ZNF563: variants seen among roughly 807,000 people sequenced by gnomAD.
ZNF563 encodes zinc finger protein 563.
ZNF563 carries 39 observed loss-of-function variants against 48.5 expected under a neutral mutation model. The ratio of observed to expected loss-of-function variants is 0.80; its 90% confidence interval spans 0.62 to 1.05. ZNF563 has a LOEUF of 1.05. Among genes scored for constraint, ZNF563 ranks in the 50% least tolerant of loss-of-function variants. The pLI is 0.00. For missense variants in ZNF563, 538 were observed against 597.0 expected (o/e 0.90, Z 1.03); for synonymous variants, 168 against 187.9 (o/e 0.89, Z 0.87).
At chr19:12,326,247 T>C (rs971256401) in intron 1 of ZNF563, among the ~76,000 whole-genome samples, 1 of 152,062 alleles carries the variant, frequency 6.6e-6, no homozygotes. Context: ...AAAAAATCAA[T>C]AAAAATTAGA....
Position 12,317,891 on chromosome 19 carries a change from T to C in ZNF563, c.*703A>G. 5.3e-6 allele frequency: 1 copy of C among 190,424 alleles called. No individual in the cohort carries two copies. Among genetic ancestry groups the C allele is most frequent in the Non-Finnish European group, 1.3e-5 (1 of 79,962 alleles). 11.8% of individuals were successfully genotyped at this position (190,424 alleles called of 1,614,324 possible). A position where few individuals can be genotyped will look rare whatever the true frequency, so the allele number is the denominator to read the frequency against. ...AATACTTCCCTACATTTCACACATT[T>C]ATAGAGTATCTCTCCAGTGAGTCCT... On this transcript the variant is annotated 3_prime_UTR_variant, in exon 4 of 4. Coordinates refer to ENST00000293725, the MANE Select transcript of ZNF563 (RefSeq NM_145276.3).
upstream of ZNF563, among the ~76,000 whole-genome samples, chr19:12,335,178 C>T (rs1969004892): frequency 6.6e-6 from 1 of 152,146 alleles, no homozygotes; most frequent in Non-Finnish European, 1.5e-5. Flanking sequence ...GAAGAAGCCT[C>T]AGAAGCAAAA....
At position 12,318,999 on chromosome 19, in the gene ZNF563, A is replaced by T; in HGVS notation, c.1026T>A (p.Cys342Ter). Reference protein sequence around the residue: ...TGDRPHKCKICGKGFDRPSLV... With the variant: ...TGDRPHKCKI ...AACTGGGACGATCAAAGCCTTTCCC[A>T]CATATCTTACATTTATGAGGTCGAT... is the stretch of plus-strand genomic sequence containing the variant. Residue 342 changes from cysteine (C) to a stop codon, truncating the protein, a stop_gained, in exon 4 of 4, where the codon TGT becomes TGA. Transcript: ENST00000293725. LOFTEE classifies it high-confidence loss of function. 1 of 1,614,160 alleles carries T rather than the reference A, an allele frequency of 6.2e-7. No individual in the cohort carries two copies. Among genetic ancestry groups the T allele is most frequent in the Non-Finnish European group, 8.5e-7 (1 of 1,180,022 alleles).
intron 1 of ZNF563, among the ~76,000 whole-genome samples, chr19:12,326,461 T>C (rs1189843111): frequency 1.3e-5 from 2 of 151,928 alleles, no homozygotes; most frequent in Non-Finnish European, 2.9e-5. Flanking sequence ...CTGGCCAACA[T>C]GGTGAAATCT....
chr19:12,346,867 T>C, the ZNF563 span: 6 of 152,232 alleles, frequency 3.9e-5, no homozygotes, highest in Admixed American at 2.6e-4. Context: ...TACTTCCACA[T>C]ATCTCTCTCT....
chr19:12,337,417 TG>T (rs1426359021), upstream of ZNF563, among the ~76,000 whole-genome samples: 1 of 152,164 alleles, frequency 6.6e-6, no homozygotes, highest in Non-Finnish European at 1.5e-5. Context: ...TTGGCCAGGC[TG>T]GTCTAAACTC....
chr19:12,333,819 G>A (rs934203425), upstream of ZNF563: 1 of 364,160 alleles, frequency 2.7e-6, no homozygotes, highest in Non-Finnish European at 5.0e-6. Context: ...GTGCTGAGTC[G>A]AGCGGGATGA....
At chr19:12,322,561 G>C (rs1382857077) in intron 2 of ZNF563, 24 bp downstream of exon 2, 1 of 1,571,628 alleles carries the variant, frequency 6.4e-7, no homozygotes, top group South Asian at 1.1e-5. Context: ...AATTGATTAA[G>C]TGAAGACATG....
chr19:12,340,612 G>GA, the ZNF563 span, among the ~76,000 whole-genome samples: 45 of 151,852 alleles, frequency 3.0e-4, no homozygotes, highest in African/African-American at 1.1e-3. Flanking sequence ...TGTCTCTACT[G>GA]AAAAAAATAC....
chr19:12,321,313 C>G lies in ZNF563; in HGVS notation c.150G>C (p.Gln50His). Residue 50 changes from glutamine (Q) to histidine (H), a missense_variant, in exon 3 of 4, where the codon CAG becomes CAC. By Grantham distance (24) the Gln-to-His change is conservative (BLOSUM62 0). Transcript: ENST00000293725. ...LDCIRMIWEE[Q>H]NTEDQYKNPR... is the part of the protein sequence containing the mutation. ...GATTTTTGTACTGATCTTCAGTATT[C>G]TGTTCTTCCCATATCATTCCTAAAA... 4 of 1,569,430 alleles carry G rather than the reference C, an allele frequency of 2.5e-6. No individual in the cohort carries two copies. Among genetic ancestry groups the G allele is most frequent in the Non-Finnish European group, 3.4e-6 (4 of 1,162,714 alleles).
chr19:12,336,506 C>T (rs1379952046), upstream of ZNF563, among the ~76,000 whole-genome samples: 3 of 152,268 alleles, frequency 2.0e-5, no homozygotes, highest in East Asian at 1.9e-4. Context: ...GCAGGAGAAT[C>T]GCGTGAACCC....
chr19:12,342,126 C>G, the ZNF563 span, among the ~76,000 whole-genome samples: 1 of 152,104 alleles, frequency 6.6e-6, no homozygotes, highest in Non-Finnish European at 1.5e-5. Context: ...ATCCTCCCAC[C>G]TCAGCCTCCT....
intron 1 of ZNF563, among the ~76,000 whole-genome samples, chr19:12,325,773 G>T (rs1968777419): frequency 1.3e-5 from 2 of 152,204 alleles, no homozygotes; most frequent in Admixed American, 6.5e-5. Context: ...AAGACTGGAA[G>T]AGGTCAGGTT....
intron 1 of ZNF563, among the ~76,000 whole-genome samples, chr19:12,328,581 T>A (rs973897178): frequency 1.3e-5 from 2 of 152,064 alleles, no homozygotes; most frequent in African/African-American, 4.8e-5. Flanking sequence ...AAGACCAGCC[T>A]GACCAACATG....
At chr19:12,329,489 A>AAG (rs1228046228) in intron 1 of ZNF563, among the ~76,000 whole-genome samples, 85 of 150,548 alleles carry the variant, frequency 5.6e-4, no homozygotes, top group African/African-American at 2.0e-3. Context: ...AAAAAAAAAA[A>AAG]GAAAAGAAAA....
the ZNF563 span, chr19:12,346,774 T>A: frequency 6.6e-6 from 1 of 152,170 alleles, no homozygotes. Context: ...ACAAAAACAA[T>A]GAGTTCCTGA....
At chr19:12,341,546 C>T in the ZNF563 span, among the ~76,000 whole-genome samples, 4 of 152,006 alleles carry the variant, frequency 2.6e-5, no homozygotes, top group Non-Finnish European at 5.9e-5. Context: ...AAATAGTAAT[C>T]CAAATAGAAC....
chr19:12,321,432 A>T, intron 2 of ZNF563, 100 bp from the exon 3 acceptor site: 1 of 720,598 alleles, frequency 1.4e-6, no homozygotes, highest in Non-Finnish European at 2.1e-6. Flanking sequence ...CGTTCATCAA[A>T]CTACAGTTAA....
chr19:12,337,734 G>A (rs1000038023), upstream of ZNF563, among the ~76,000 whole-genome samples: 2 of 152,162 alleles, frequency 1.3e-5, no homozygotes, highest in African/African-American at 4.8e-5. Flanking sequence ...ATAAAAACAT[G>A]TAAGAGTCAC....
Sources: gnomAD v4.1 joint callset for allele counts (sites outside exome capture counted in the v4.1 genomes callset) on GRCh38, gnomAD v4.1.1 for gene constraint, MANE v1.5 for transcripts, NCBI Gene and HGNC (gene_info 2026-07-23, HGNC 2026-07-21) for gene names.